The following LRRC14B variants were observed in gnomAD, a reference collection of about 807,000 sequenced individuals.
LRRC14B encodes leucine rich repeat containing 14B.
LRRC14B carries 23 observed loss-of-function variants against 16.9 expected under a neutral mutation model. The observed-to-expected ratio is 1.36, with a 90% CI of 0.98 to 1.92. The LOEUF is 1.92. LRRC14B is among the 30% of genes most tolerant of loss of function. LRRC14B has a pLI of 0.00. For synonymous variants in LRRC14B, 358 were observed against 332.5 expected, an observed-to-expected ratio of 1.08 and a Z score of -0.83; for missense variants, 766 against 705.7, an observed-to-expected ratio of 1.09 and a Z score of -0.97.
chr5:192,404 C>T lies in LRRC14B; in HGVS notation c.866C>T (p.Ser289Phe). Reference protein sequence around the residue: ...AQLTELSVAFSTLTGKIPTLL... With the variant: ...AQLTELSVAFFTLTGKIPTLL... ...CTCACTGAGCTCAGTGTGGCCTTCT[C>T]CACGCTGACCGGGAAGATCCCGACG... The change falls in exon 1 of 2, where the codon TCC becomes TTC. Residue 289 changes from serine (S) to phenylalanine (F), a missense_variant. Transcript: ENST00000328278. 2.6e-6 allele frequency: 4 copies of T among 1,557,496 alleles called. No individual in the cohort carries two copies. The highest frequency in any genetic ancestry group is 3.5e-6 in the Non-Finnish European group (4 of 1,149,548).
In LRRC14B at chr5:192,307, T is replaced by C; in HGVS notation, c.769T>C (p.Tyr257His). 6.2e-7 allele frequency: 1 copy of C among 1,600,026 alleles called. No individual in the cohort carries two copies. Among genetic ancestry groups the C allele is most frequent in the East Asian group, 2.3e-5 (1 of 43,726 alleles). ...CAAGGCCTTTGATGCACCCCCCACCTACGCCTCCACTCCCGACGGCGAGGA... is the reference window on the plus strand; with the variant it reads ...CAAGGCCTTTGATGCACCCCCCACCCACGCCTCCACTCCCGACGGCGAGGA... ...PTKAFDAPPT[Y>H]ASTPDGEDPL... The change falls in exon 1 of 2, where the codon TAC (tyrosine) becomes CAC (histidine). Residue 257 changes from tyrosine (Y) to histidine (H), a missense_variant. Transcript: ENST00000328278.
At chr5:192,686 G>GAAT (rs1733831610) in intron 1 of LRRC14B, among the ~76,000 whole-genome samples, 1 of 152,238 alleles carries the variant, frequency 6.6e-6, no homozygotes, top group Non-Finnish European at 1.5e-5. Context: ...TAAAAAAAGA[G>GAAT]AATACGGAAA....
Position 195,459 on chromosome 5 carries a change from C to G in LRRC14B, c.*106C>G, listed in dbSNP as rs1257932093. ...GCCCGGCATTCATCCCCACCACCAC[C>G]ACCACCAAAAGCAGTTCTTAGTGAA... On this transcript the variant is annotated 3_prime_UTR_variant, in exon 2 of 2. Transcript: ENST00000328278. The G allele has an allele frequency of 9.6e-7, 1 of 1,040,514 alleles. No individual in the cohort carries two copies. Among genetic ancestry groups the G allele is most frequent in the Non-Finnish European group, 1.4e-6 (1 of 725,436 alleles). The allele number at this position is 1,040,514 out of a possible 1,614,324, so 64.5% of individuals were successfully genotyped here.
chr5:192,549 T>G, intron 1 of LRRC14B, 112 bp downstream of exon 1: 6 of 1,155,396 alleles, frequency 5.2e-6, no homozygotes, highest in Non-Finnish European at 5.7e-6. Context: ...CTCCAGCCTC[T>G]CACTCCGGGT....
rs971728458 is a variant in LRRC14B at position 192,229 on chromosome 5, C to T, written c.691C>T (p.Gln231Ter). Residue 231 changes from glutamine (Q) to a stop codon, truncating the protein, a stop_gained, in exon 1 of 2, where the codon CAG becomes TAG. Coordinates refer to ENST00000328278, the MANE Select transcript of LRRC14B (RefSeq NM_001080478.3). LOFTEE classifies it high-confidence loss of function. ...NVRLHAGHVQ[Q>*]LLAQVGFPRL... is the part of the protein sequence containing the mutation. The stretch of plus-strand genomic sequence containing the variant: ...GCGGCTGCATGCGGGCCACGTGCAG[C>T]AGCTTCTGGCCCAGGTGGGCTTCCC... 1.2e-5 allele frequency: 19 copies of T among 1,595,418 alleles called. No homozygotes were observed. In the African/African-American group the frequency reaches 1.6e-4, roughly 14 times the overall value.
In LRRC14B at chr5:195,050, G is replaced by T. The variant is rs753787874; in HGVS notation, c.1242G>T (p.Glu414Asp). 3 of 1,613,376 alleles carry T rather than the reference G, an allele frequency of 1.9e-6. No homozygotes were observed. In the African/African-American group the frequency reaches 4.0e-5, roughly 22 times the overall value. Residue 414 changes from glutamate (E) to aspartate (D), a missense_variant, in exon 2 of 2, where the codon GAG becomes GAT. Glu to Asp is a conservative substitution (Grantham distance 45). Coordinates refer to ENST00000328278, the MANE Select transcript of LRRC14B (RefSeq NM_001080478.3). ...GGCGCCTCTTCACCGCACTCTGTGA[G>T]CTCCCCGAGCTGCGCTGCATTGAGT... ...ALRRLFTALC[E>D]LPELRCIEFP...
chr5:195,008 G>C lies in LRRC14B; in HGVS notation c.1200G>C (p.Leu400=). 1 of 1,613,204 alleles carries C rather than the reference G, an allele frequency of 6.2e-7. No individual in the cohort carries two copies. The highest frequency in any genetic ancestry group is 8.5e-7 in the Non-Finnish European group (1 of 1,179,832). ...LRQLKFLGNP[L]SARALRRLFT... is the part of the protein sequence containing the mutation. ...AGCTCAAGTTCCTCGGGAACCCGCT[G>C]TCGGCCCGCGCCCTCCGGCGCCTCT... The change falls in exon 2 of 2, where the codon CTG becomes CTC. Residue 400 remains leucine (L), a synonymous_variant. Transcript: ENST00000328278.
rs1482618261 is a variant in LRRC14B, at chr5:192,723, C to T, written c.899+286C>T. The stretch of plus-strand genomic sequence containing the variant: ...TACCAAACAGACGAAACAGAAGTGC[C>T]TACGTGGTGTGAGGAGTTGTCTATT... On this transcript the variant is annotated intron_variant, in intron 1 of 1. Transcript: ENST00000328278. Among the ~76,000 whole-genome samples the T allele has an allele frequency of 3.3e-5, 5 of 152,234 alleles. No individual in the cohort carries two copies. In the East Asian group the frequency reaches 9.6e-4, roughly 29 times the overall value.
chr5:194,490 A>G (rs1032155148), intron 1 of LRRC14B, among the ~76,000 whole-genome samples: 1 of 152,340 alleles, frequency 6.6e-6, no homozygotes. Context: ...ATTTATGGAC[A>G]CCGAGTTTGA....
intron 1 of LRRC14B, among the ~76,000 whole-genome samples, chr5:194,274 C>T (rs565049211): frequency 3.7e-4 from 57 of 152,260 alleles, no homozygotes; most frequent in African/African-American, 1.3e-3. Flanking sequence ...TGCCCCACCC[C>T]GTCCACTTTC....
In LRRC14B at chr5:192,301, C is replaced by A; in HGVS notation, c.763C>A (p.Pro255Thr). 1 of 1,599,980 alleles carries A rather than the reference C, an allele frequency of 6.3e-7. No homozygotes were observed. Among genetic ancestry groups the A allele is most frequent in the Non-Finnish European group, 8.5e-7 (1 of 1,174,636 alleles). Residue 255 changes from proline (P) to threonine (T), a missense_variant, in exon 1 of 2, where the codon CCC (proline) becomes ACC (threonine). Pro to Thr is a conservative substitution (Grantham distance 38). Transcript: ENST00000328278. ...TLPTKAFDAP[P>T]TYASTPDGED... is the part of the protein sequence containing the mutation. ...GCCCACCAAGGCCTTTGATGCACCC[C>A]CCACCTACGCCTCCACTCCCGACGG... is the stretch of plus-strand genomic sequence containing the variant.
In LRRC14B at chr5:192,321, C is replaced by A. The variant is rs747752186; in HGVS notation, c.783C>A (p.Pro261=). The A allele has an allele frequency of 1.3e-6, 2 of 1,599,140 alleles. No individual in the cohort carries two copies. Among genetic ancestry groups the A allele is most frequent in the East Asian group, 4.6e-5 (2 of 43,704 alleles). Residue 261 remains proline (P), a synonymous_variant, in exon 1 of 2, where the codon CCC becomes CCA. Transcript: ENST00000328278. ...CACCCCCCACCTACGCCTCCACTCC[C>A]GACGGCGAGGACCCCCTCCTCGCCT... ...FDAPPTYAST[P]DGEDPLLASI...
rs1473989684 is a variant in LRRC14B, at chr5:192,416, G to C, written c.878G>C (p.Gly293Ala). The C allele has an allele frequency of 1.3e-6, 2 of 1,547,214 alleles. No individual in the cohort carries two copies. Among genetic ancestry groups the C allele is most frequent in the Non-Finnish European group, 1.7e-6 (2 of 1,143,798 alleles). ...AGTGTGGCCTTCTCCACGCTGACCGGGAAGATCCCGACGCTGCTTGGGTGA... is the reference window on the plus strand; with the variant it reads ...AGTGTGGCCTTCTCCACGCTGACCGCGAAGATCCCGACGCTGCTTGGGTGA... ...ELSVAFSTLT[G>A]KIPTLLGPLQ... The change falls in exon 1 of 2, where the codon GGG becomes GCG. Residue 293 changes from glycine (G) to alanine (A), a missense_variant. Gly to Ala is a moderately conservative substitution (Grantham distance 60, BLOSUM62 0). Transcript: ENST00000328278.
chr5:193,890 G>A (rs1329262167), intron 1 of LRRC14B, among the ~76,000 whole-genome samples: 1 of 152,028 alleles, frequency 6.6e-6, no homozygotes, highest in Non-Finnish European at 1.5e-5. Context: ...CCGGCTCAGC[G>A]AGGACAGTGA....
rs1733795395 is a variant in LRRC14B, at chr5:191,732, G to C, written c.194G>C (p.Gly65Ala). The change falls in exon 1 of 2, where the codon GGA becomes GCA. Residue 65 changes from glycine (G) to alanine (A), a missense_variant. Physicochemically the swap from Gly to Ala is moderately conservative, Grantham distance 60. Transcript: ENST00000328278. ...GRWPLEEFRL[G>A]ALLGPGADHP... ...TGGCCCCTGGAGGAGTTCCGGCTGG[G>C]AGCGCTGCTGGGTCCTGGTGCCGAC... is the stretch of plus-strand genomic sequence containing the variant. 1 of 1,569,136 alleles carries C rather than the reference G, an allele frequency of 6.4e-7. No individual in the cohort carries two copies. Among genetic ancestry groups the C allele is most frequent in the African/African-American group, 1.4e-5 (1 of 73,950 alleles).
In LRRC14B at chr5:194,937, G is replaced by A. The variant is rs377016066; in HGVS notation, c.1129G>A (p.Val377Ile). 34 of 1,612,884 alleles carry A rather than the reference G, an allele frequency of 2.1e-5. No homozygotes were observed. Among genetic ancestry groups the A allele is most frequent in the Admixed American group, 1.7e-4 (10 of 59,830 alleles). The change falls in exon 2 of 2, where the codon GTT becomes ATT. Residue 377 changes from valine to isoleucine, a missense_variant. By Grantham distance (29) the Val-to-Ile change is conservative. Transcript: ENST00000328278. Reference sequence around the variant, plus strand: ...GGAGTGTGGCATCGTAGACAGCCACGTTGGCATGCTGATCCTGGGCCTGAG... The same window carrying A: ...GGAGTGTGGCATCGTAGACAGCCACATTGGCATGCTGATCCTGGGCCTGAG... ...LEECGIVDSH[V>I]GMLILGLSPC...
At chr5:192,535 C>T (rs1228492575) in intron 1 of LRRC14B, 98 bp downstream of exon 1, 16 of 1,223,346 alleles carry the variant, frequency 1.3e-5, no homozygotes, top group Middle Eastern at 2.9e-4. Flanking sequence ...TGAGGCTACA[C>T]GGCCTCCAGC....
In LRRC14B at chr5:194,678, C is replaced by T. The variant is rs200814880; in HGVS notation, c.900-30C>T. The T allele has an allele frequency of 1.6e-4, 255 of 1,565,676 alleles. 1 individual carries two copies. In the African/African-American group the frequency reaches 2.8e-3, roughly 17 times the overall value. ...CGGCTCCTTCCTGGGACCCTCCTCTCACCTGTGCTCTTTCCCCCGTGTCCT... is the reference window on the plus strand; with the variant it reads ...CGGCTCCTTCCTGGGACCCTCCTCTTACCTGTGCTCTTTCCCCCGTGTCCT... On this transcript the variant is annotated intron_variant, in intron 1 of 1. Transcript: ENST00000328278.
In LRRC14B at chr5:195,011, G is replaced by A. The variant is rs377617953; in HGVS notation, c.1203G>A (p.Ser401=). Residue 401 remains serine, a synonymous_variant, in exon 2 of 2, where the codon TCG becomes TCA. Transcript: ENST00000328278. ...RQLKFLGNPL[S]ARALRRLFTA... is the part of the protein sequence containing the mutation. The stretch of plus-strand genomic sequence containing the variant: ...TCAAGTTCCTCGGGAACCCGCTGTC[G>A]GCCCGCGCCCTCCGGCGCCTCTTCA... The A allele has an allele frequency of 1.2e-4, 200 of 1,613,180 alleles. No individual in the cohort carries two copies. Among genetic ancestry groups the A allele is most frequent in the South Asian group, 4.3e-4 (39 of 91,054 alleles).
Sources: gnomAD v4.1 joint callset for allele counts (sites outside exome capture counted in the v4.1 genomes callset) on GRCh38, gnomAD v4.1.1 for gene constraint, MANE v1.5 for transcripts, NCBI Gene and HGNC (gene_info 2026-07-23, HGNC 2026-07-21) for gene names.